Variants in NBAS observed in about 807,000 individuals in gnomAD.
NBAS encodes NAG/BC035112 fusion.
Under a neutral mutation model 302.5 loss-of-function variants are expected in NBAS, and 219 were observed. That is an observed-to-expected ratio of 0.72 (90% confidence interval 0.65 to 0.81). The LOEUF (loss-of-function observed/expected upper bound fraction) is 0.81. Among genes scored for constraint, NBAS ranks in the 30% least tolerant of loss-of-function variants. The probability of loss-of-function intolerance (pLI) is 0.00; values close to 1 mark genes in which losing one functional copy is unlikely to be tolerated. For missense variants in NBAS, 2,932 were observed against 2,841.6 expected (o/e 1.03, Z -0.72); for synonymous variants, 1,118 against 1,021.6 (o/e 1.09, Z -1.80).
the NBAS span, among the ~76,000 whole-genome samples, chr2:15,058,790 G>C: frequency 2.6e-5 from 4 of 152,134 alleles, no homozygotes; most frequent in East Asian, 7.7e-4. Context: ...CTGTAATGTG[G>C]CGAATGTCCT....
downstream of NBAS, among the ~76,000 whole-genome samples, chr2:15,163,900 GA>G (rs779231696): frequency 9.2e-5 from 14 of 151,866 alleles, 1 homozygote; most frequent in Non-Finnish European, 1.8e-4. Context: ...AGGTTCAAGT[GA>G]TTCTCCTGCC....
At chr2:15,164,405 A>C (rs1663966778), downstream of NBAS, among the ~76,000 whole-genome samples, 1 of 152,214 alleles carries the variant, frequency 6.6e-6, no homozygotes, top group African/African-American at 2.4e-5. Context: ...CAGCTTTGTG[A>C]CATTGAGAAA....
chr2:14,934,248 T>C, the NBAS span, among the ~76,000 whole-genome samples: 3 of 152,246 alleles, frequency 2.0e-5, no homozygotes, highest in Non-Finnish European at 2.9e-5. Context: ...TGTGAAATTC[T>C]TTATGACTTT....
intron 44 of NBAS, among the ~76,000 whole-genome samples, chr2:15,258,209 G>C (rs749237817): frequency 6.6e-6 from 1 of 151,944 alleles, no homozygotes; most frequent in Non-Finnish European, 1.5e-5. Context: ...TGTTATCTTC[G>C]TAAGCTGAGG....
At chr2:14,975,516 C>T in the NBAS span, among the ~76,000 whole-genome samples, 1 of 152,202 alleles carries the variant, frequency 6.6e-6, no homozygotes. Context: ...AATCAGTTTT[C>T]TGCAGCTTTC....
At chr2:15,537,955 A>ATT (rs1663599478) in intron 7 of NBAS, among the ~76,000 whole-genome samples, 1 of 152,222 alleles carries the variant, frequency 6.6e-6, no homozygotes, top group Admixed American at 6.5e-5. Flanking sequence ...AGAACCACAC[A>ATT]GTCAACACTT....
chr2:15,438,276 C>T (rs1350967388), intron 21 of NBAS, among the ~76,000 whole-genome samples: 3 of 152,014 alleles, frequency 2.0e-5, no homozygotes, highest in Non-Finnish European at 4.4e-5. Context: ...TGGTGGAGCT[C>T]GTATTTTGAT....
At chr2:15,495,739 A>G (rs1346135705) in intron 11 of NBAS, among the ~76,000 whole-genome samples, 1 of 152,170 alleles carries the variant, frequency 6.6e-6, no homozygotes, top group African/African-American at 2.4e-5. Flanking sequence ...AACTTCAAAC[A>G]AGAACCACTT....
At chr2:15,064,269 C>T in the NBAS span, among the ~76,000 whole-genome samples, 8 of 142,012 alleles carry the variant, frequency 5.6e-5, no homozygotes, top group Admixed American at 5.7e-4. Context: ...ATTGGCAAAC[C>T]TTAGCTAGAC....
At chr2:15,538,791 A>G (rs1186273612) in intron 7 of NBAS, among the ~76,000 whole-genome samples, 3 of 152,252 alleles carry the variant, frequency 2.0e-5, no homozygotes, top group Non-Finnish European at 4.4e-5. Flanking sequence ...AAATCATAAT[A>G]TATATCAAAG....
the NBAS span, among the ~76,000 whole-genome samples, chr2:14,852,482 A>G: frequency 4.8e-5 from 5 of 103,754 alleles, 1 homozygote; most frequent in Admixed American, 3.6e-4. Context: ...GGAAGAATCA[A>G]TATCGTGAAA....
At chr2:15,175,825 C>T (rs1172978748) in intron 51 of NBAS, among the ~76,000 whole-genome samples, 1 of 152,222 alleles carries the variant, frequency 6.6e-6, no homozygotes, top group African/African-American at 2.4e-5. Context: ...AGCACTTAAG[C>T]ATCATCCTTT....
intron 13 of NBAS, 41 bp from the exon 14 acceptor site, chr2:15,475,921 A>G (rs760591045): frequency 6.8e-7 from 1 of 1,476,078 alleles, no homozygotes; most frequent in Non-Finnish European, 9.4e-7. Context: ...GCATCTGCTA[A>G]TGTGGTTTAA....
chr2:15,201,129 T>C (rs1045136329), intron 48 of NBAS, among the ~76,000 whole-genome samples: 1 of 152,260 alleles, frequency 6.6e-6, no homozygotes, highest in Non-Finnish European at 1.5e-5. Context: ...CATACTCTTA[T>C]CTTCCATAAG....
intron 35 of NBAS, among the ~76,000 whole-genome samples, chr2:15,333,791 A>G (rs1355428269): frequency 6.6e-6 from 1 of 151,668 alleles, no homozygotes; most frequent in East Asian, 1.9e-4. Flanking sequence ...GAAAGTCAGT[A>G]ACAGATAAAC....
the NBAS span, among the ~76,000 whole-genome samples, chr2:15,028,948 C>T: frequency 4.6e-5 from 7 of 152,266 alleles, no homozygotes; most frequent in African/African-American, 2.4e-5. Flanking sequence ...AGGAACTCAT[C>T]GGTGTCATTC....
the NBAS span, among the ~76,000 whole-genome samples, chr2:15,028,160 G>C: frequency 5.3e-5 from 8 of 152,254 alleles, no homozygotes; most frequent in South Asian, 1.7e-3. Flanking sequence ...AAGTCATCAG[G>C]AACTGATGTG....
chr2:15,327,127 C>G (rs982469502), intron 38 of NBAS, among the ~76,000 whole-genome samples: 1 of 152,082 alleles, frequency 6.6e-6, no homozygotes, highest in Non-Finnish European at 1.5e-5. Flanking sequence ...TTTCTTCACC[C>G]TTTTCTTCCT....
chr2:14,968,340 C>T, the NBAS span, among the ~76,000 whole-genome samples: 130 of 152,160 alleles, frequency 8.5e-4, 2 homozygotes, highest in African/African-American at 3.0e-3. Flanking sequence ...AGAATGTATA[C>T]AAATAACAAT....
Sources: gnomAD v4.1 joint callset for allele counts (sites outside exome capture counted in the v4.1 genomes callset) on GRCh38, gnomAD v4.1.1 for gene constraint, MANE v1.5 for transcripts, NCBI Gene and HGNC (gene_info 2026-07-23, HGNC 2026-07-21) for gene names.